The following NKPD1 variants were observed in gnomAD, a reference collection of about 807,000 sequenced individuals.
The protein encoded by NKPD1 is NTPase KAP family P-loop domain-containing protein 1.
A neutral mutation model predicts 42.2 loss-of-function variants in NKPD1; 37 were observed. The ratio of observed to expected loss-of-function variants is 0.88; its 90% CI spans 0.67 to 1.15. The LOEUF (loss-of-function observed/expected upper bound fraction) is 1.15. Ranked by LOEUF, NKPD1 falls within the 50% of genes most tolerant of loss-of-function variation. NKPD1 has a pLI of 0.00. For missense variants in NKPD1, 1,113 were observed against 1,174.6 expected (o/e 0.95, Z 0.77); for synonymous variants, 552 against 536.5 (o/e 1.03, Z -0.40).
intron 2 of NKPD1, among the ~76,000 whole-genome samples, 180 bp downstream of exon 2, chr19:45,159,880 C>T (rs1968974595): frequency 6.6e-6 from 1 of 152,226 alleles, no homozygotes; most frequent in African/African-American, 2.4e-5. Flanking sequence ...ATCTTTGGGC[C>T]CGCAGGCCCT....
Position 45,152,653 on chromosome 19 carries a change from C to G in NKPD1, c.1784G>C (p.Arg595Pro). ...GCAGAAGAGCGCCTCCTGGATTCGC[C>G]GCGCCGCCTCGTCGTCGATGCGGCC... ...GQGRIDDEAA[R>P]RIQEALFCLH... The change falls in exon 5 of 5, where the codon CGG (arginine) becomes CCG (proline). Residue 595 changes from arginine (R) to proline (P), a missense_variant. This residue lies in a region of NKPD1 where 867 missense variants were observed against 870.1 expected (regional missense o/e 1.00). Coordinates refer to ENST00000686631, the MANE Select transcript of NKPD1 (RefSeq NM_198478.4). 1.3e-6 allele frequency: 2 copies of G among 1,547,850 alleles called. No individual in the cohort carries two copies.
Position 45,151,566 on chromosome 19 carries a change from G to A in NKPD1, c.*372C>T, listed in dbSNP as rs1968777333. ...CTCTCCTGCCACAGAGATGCCAGAT[G>A]AGGAGGCCAGCATGGTGCAGAGGAG... On this transcript the variant is annotated 3_prime_UTR_variant, in exon 5 of 5. Transcript: ENST00000686631. The A allele has an allele frequency of 5.1e-6, 1 of 196,396 alleles. No homozygotes were observed. Among genetic ancestry groups the A allele is most frequent in the South Asian group, 1.8e-4 (1 of 5,412 alleles). 12.2% of individuals were successfully genotyped at this position (196,396 alleles called of 1,614,324 possible). A position where few individuals can be genotyped will look rare whatever the true frequency, so the allele number is the denominator to read the frequency against.
At chr19:45,157,810 T>C (rs1264359686) in intron 3 of NKPD1, among the ~76,000 whole-genome samples, 1 of 146,308 alleles carries the variant, frequency 6.8e-6, no homozygotes, top group Admixed American at 7.0e-5. Context: ...TTGCAACCTC[T>C]ACCTCCCGGT....
At chr19:45,154,166 G>C (rs1429596709) in intron 4 of NKPD1, among the ~76,000 whole-genome samples, 1 of 152,236 alleles carries the variant, frequency 6.6e-6, no homozygotes, top group African/African-American at 2.4e-5. Flanking sequence ...CAAGTGGTCG[G>C]TGTAAGGGAT....
upstream of NKPD1, among the ~76,000 whole-genome samples, chr19:45,161,519 C>G (rs1012479817): frequency 6.6e-6 from 1 of 152,258 alleles, no homozygotes; most frequent in African/African-American, 2.4e-5. Context: ...TTCCTCTCCA[C>G]CACCCAGGGG....
chr19:45,152,888 G>T lies in NKPD1; in HGVS notation c.1549C>A (p.Leu517Ile). 1 of 1,585,468 alleles carries T rather than the reference G, an allele frequency of 6.3e-7. No individual in the cohort carries two copies. The highest frequency in any genetic ancestry group is 8.6e-7 in the Non-Finnish European group (1 of 1,163,252). ...AGCGTGACAGTGCGGTTGAGGAAGA[G>T]GTAGCCGTTATCGGCCGTGCCCTTC... is the stretch of plus-strand genomic sequence containing the variant. ...NMKGTADNGY[L>I]FLNRTVTLPF... Residue 517 changes from leucine (L) to isoleucine (I), a missense_variant, in exon 5 of 5, where the codon CTC (leucine) becomes ATC (isoleucine). This residue lies in a region of NKPD1 where 867 missense variants were observed against 870.1 expected (regional missense o/e 1.00). Coordinates refer to ENST00000686631, the MANE Select transcript of NKPD1 (RefSeq NM_198478.4).
intron 4 of NKPD1, among the ~76,000 whole-genome samples, chr19:45,155,004 G>A (rs1415472219): frequency 1.4e-4 from 19 of 135,568 alleles, no homozygotes; most frequent in African/African-American, 5.5e-4. Flanking sequence ...CAGCCTGGGC[G>A]ACAGAGTGAG....
chr19:45,159,534 T>TG (rs34916791), intron 2 of NKPD1, among the ~76,000 whole-genome samples: 1 of 150,988 alleles, frequency 6.6e-6, no homozygotes, highest in Non-Finnish European at 1.5e-5. Flanking sequence ...GGGATTTGGG[T>TG]GGGGGGTGGA....
intron 4 of NKPD1, 33 bp from the exon 5 acceptor site, chr19:45,153,808 C>A: frequency 7.1e-7 from 1 of 1,413,176 alleles, no homozygotes; most frequent in Non-Finnish European, 9.2e-7. Context: ...CCGCGTGAGC[C>A]GCAGACCCGC....
chr19:45,154,061 AAG>A (rs1487717910), intron 4 of NKPD1, among the ~76,000 whole-genome samples: 1 of 152,090 alleles, frequency 6.6e-6, no homozygotes, highest in Non-Finnish European at 1.5e-5. Context: ...AGGAGGCAAA[AAG>A]AGATACGAGG....
intron 4 of NKPD1, 50 bp from the exon 5 acceptor site, chr19:45,153,825 G>A (rs976772271): frequency 2.8e-6 from 4 of 1,405,952 alleles, no homozygotes; most frequent in Non-Finnish European, 3.7e-6. Context: ...CCGCCGGGGT[G>A]GGCGGGGCCT....
chr19:45,162,405 C>T (rs1013225192), upstream of NKPD1, among the ~76,000 whole-genome samples: 1 of 152,192 alleles, frequency 6.6e-6, no homozygotes, highest in Non-Finnish European at 1.5e-5. Flanking sequence ...TTGGGGTTCA[C>T]CCCCAGCCTT....
chr19:45,152,411 C>G lies in NKPD1; in HGVS notation c.2026G>C (p.Asp676His), dbSNP rs779684603. 15 of 1,573,410 alleles carry G rather than the reference C, an allele frequency of 9.5e-6. No homozygotes were observed. The highest frequency in any genetic ancestry group is 1.3e-5 in the Non-Finnish European group (15 of 1,161,388). Residue 676 changes from aspartate to histidine, a missense_variant, in exon 5 of 5, where the codon GAC becomes CAC. Coordinates refer to ENST00000686631, the MANE Select transcript of NKPD1 (RefSeq NM_198478.4). ...RLSWALQCLE[D>H]RQQTGGAPEG... The stretch of plus-strand genomic sequence containing the variant: ...GGCGCGCCCCCGGTCTGCTGCCGGT[C>G]CTCCAGGCACTGCAGCGCCCAGCTC...
chr19:45,155,783 A>AC lies in NKPD1; in HGVS notation c.661+1dup. The AC allele has an allele frequency of 7.7e-7, 1 of 1,301,446 alleles. No individual in the cohort carries two copies. The highest frequency in any genetic ancestry group is 1.0e-6 in the Non-Finnish European group (1 of 985,716). The allele number at this position is 1,301,446 out of a possible 1,614,324, so 80.6% of individuals were successfully genotyped here. On this transcript the variant is annotated splice_donor_variant, in intron 4 of 4. Coordinates refer to ENST00000686631, the MANE Select transcript of NKPD1 (RefSeq NM_198478.4). LOFTEE classifies it high-confidence loss of function. ...CCCCAACAAACACACACAGCTCCTC[A>AC]CCCGTGATCTTGTCCAGCATCATGT...
chr19:45,160,731 T>C lies in NKPD1; in HGVS notation c.-72+194A>G, dbSNP rs570677819. On this transcript the variant is annotated intron_variant, in intron 1 of 4. Coordinates refer to ENST00000686631, the MANE Select transcript of NKPD1 (RefSeq NM_198478.4). ...AGCAATGAAATCGCGGTGGTCCAAT[T>C]TGGGGAGAGGCTCAGCAAACTCGGG... Among the ~76,000 whole-genome samples, 237 of 151,822 alleles carry C rather than the reference T, an allele frequency of 1.6e-3. 1 individual carries two copies. The highest frequency in any genetic ancestry group is 2.3e-3 in the Non-Finnish European group (159 of 67,914).
chr19:45,159,537 G>C (rs867285248), intron 2 of NKPD1, among the ~76,000 whole-genome samples: 2 of 152,082 alleles, frequency 1.3e-5, no homozygotes, highest in Admixed American at 1.3e-4. Context: ...ATTTGGGTGG[G>C]GGGTGGACCT....
chr19:45,157,187 C>T (rs1441514600), intron 3 of NKPD1, among the ~76,000 whole-genome samples: 1 of 152,242 alleles, frequency 6.6e-6, no homozygotes, highest in Admixed American at 6.5e-5. Flanking sequence ...CTCCCATAGC[C>T]CATTCTCCTG....
intron 1 of NKPD1, among the ~76,000 whole-genome samples, chr19:45,160,471 G>T (rs1215937031): frequency 6.6e-6 from 1 of 152,110 alleles, no homozygotes; most frequent in African/African-American, 2.4e-5. Context: ...TTTCCAAGAG[G>T]CTAGGACACT....
intron 1 of NKPD1, among the ~76,000 whole-genome samples, 106 bp from the exon 2 acceptor site, chr19:45,160,327 G>A (rs1322355758): frequency 7.2e-5 from 11 of 152,206 alleles, no homozygotes. Context: ...GGTCACTTGG[G>A]AGAAGGGGGT....
Sources: allele counts gnomAD v4.1 joint callset (sites outside exome capture counted in the v4.1 genomes callset), GRCh38; gene constraint gnomAD v4.1.1; regional missense constraint gnomAD v4.1.1; transcripts MANE v1.5; gene names NCBI Gene and HGNC (gene_info 2026-07-23, HGNC 2026-07-21).